Variants in CYP2C18 observed in about 807,000 individuals in gnomAD.
The protein encoded by CYP2C18 is cytochrome P450 family 2 subfamily C member 18.
A neutral mutation model predicts 41.3 loss-of-function variants in CYP2C18; 38 were observed. That is an observed-to-expected ratio of 0.92 (90% CI 0.71 to 1.21). The LOEUF (loss-of-function observed/expected upper bound fraction) is 1.21. Ranked by LOEUF, CYP2C18 falls within the 50% of genes most tolerant of loss-of-function variation. The probability of loss-of-function intolerance (pLI) is 0.00; values close to 1 mark genes in which losing one functional copy is unlikely to be tolerated. For missense variants in CYP2C18, 635 were observed against 591.4 expected (o/e 1.07, Z -0.77); for synonymous variants, 236 against 210.0 (o/e 1.12, Z -1.07).
At position 94,735,311 on chromosome 10, in the gene CYP2C18, T is replaced by G. The variant is rs1847901228; in HGVS notation, c.1340T>G (p.Leu447Ter). 1 of 1,613,620 alleles carries G rather than the reference T, an allele frequency of 6.2e-7. No individual in the cohort carries two copies. The highest frequency in any genetic ancestry group is 8.5e-7 in the Non-Finnish European group (1 of 1,179,762). The part of the protein sequence containing the change: ...GEGLARMELF[L>*]FLTTILQNFN... ...GGCCTGGCCCGCATGGAGCTGTTTTTATTCCTGACCACCATTTTGCAGAAC... is the reference window on the plus strand; with the variant it reads ...GGCCTGGCCCGCATGGAGCTGTTTTGATTCCTGACCACCATTTTGCAGAAC... The change falls in exon 9 of 9, where the codon TTA becomes TGA. Residue 447 changes from leucine (L) to a stop codon, truncating the protein, a stop_gained. Coordinates refer to ENST00000285979, the MANE Select transcript of CYP2C18 (RefSeq NM_000772.3). LOFTEE classifies it low-confidence loss of function (END_TRUNC).
chr10:94,724,599 C>A, intron 7 of CYP2C18, 66 bp downstream of exon 7: 2 of 1,405,752 alleles, frequency 1.4e-6, no homozygotes, highest in Non-Finnish European at 2.0e-6. Flanking sequence ...AGTATAGTCC[C>A]AATCCTCTAA....
intron 1 of CYP2C18, among the ~76,000 whole-genome samples, chr10:94,685,313 C>T (rs562012772): frequency 5.7e-4 from 86 of 151,912 alleles, no homozygotes; most frequent in Non-Finnish European, 1.9e-4. Flanking sequence ...GAATTACAGA[C>T]ATGAGCCATT....
intron 1 of CYP2C18, among the ~76,000 whole-genome samples, chr10:94,686,088 C>T (rs1167251652): frequency 1.3e-5 from 2 of 151,954 alleles, no homozygotes; most frequent in Admixed American, 6.6e-5. Flanking sequence ...TTGTAGTTTT[C>T]AGTATATAGA....
At chr10:94,720,204 G>T (rs1372713407) in intron 5 of CYP2C18, among the ~76,000 whole-genome samples, 192 bp from the exon 6 acceptor site, 1 of 152,088 alleles carries the variant, frequency 6.6e-6, no homozygotes, top group African/African-American at 2.4e-5. Context: ...GGCAAGCAAT[G>T]GATAAGTAGG....
intron 5 of CYP2C18, among the ~76,000 whole-genome samples, chr10:94,709,954 A>G (rs147766429): frequency 6.6e-6 from 1 of 152,170 alleles, no homozygotes; most frequent in African/African-American, 2.4e-5. Context: ...TCATTGATCT[A>G]TATAGCTTTC....
chr10:94,702,501 A>T (rs1281479000), intron 4 of CYP2C18, among the ~76,000 whole-genome samples: 1 of 151,284 alleles, frequency 6.6e-6, no homozygotes, highest in Non-Finnish European at 1.5e-5. Context: ...AATGTCTGTT[A>T]TCCTTTCTTC....
At chr10:94,698,036 A>G (rs1043103989) in intron 4 of CYP2C18, among the ~76,000 whole-genome samples, 12 of 152,164 alleles carry the variant, frequency 7.9e-5, no homozygotes, top group South Asian at 4.1e-4. Flanking sequence ...ATAATGGGAG[A>G]CTTTAACACC....
intron 5 of CYP2C18, among the ~76,000 whole-genome samples, chr10:94,711,190 T>A (rs1331628181): frequency 6.6e-6 from 1 of 152,182 alleles, no homozygotes; most frequent in Non-Finnish European, 1.5e-5. Flanking sequence ...TCTGTCTTCA[T>A]GTCTGTAGTG....
At chr10:94,704,254 G>C (rs1166632956) in intron 4 of CYP2C18, among the ~76,000 whole-genome samples, 2 of 151,722 alleles carry the variant, frequency 1.3e-5, no homozygotes, top group Admixed American at 6.6e-5. Flanking sequence ...GGAAATTTTG[G>C]ATACTCTTAT....
chr10:94,735,446 G>T lies in CYP2C18; in HGVS notation c.*2G>T. On this transcript the variant is annotated 3_prime_UTR_variant, in exon 9 of 9. Coordinates refer to ENST00000285979, the MANE Select transcript of CYP2C18 (RefSeq NM_000772.3). ...CAGCTCTGCTTCATTCCTGTCTGAA[G>T]AAGGGCAGATAGTTTGGCTGCTCCT... is the stretch of plus-strand genomic sequence containing the variant. 6.2e-7 allele frequency: 1 copy of T among 1,613,286 alleles called. No individual in the cohort carries two copies. The highest frequency in any genetic ancestry group is 8.5e-7 in the Non-Finnish European group (1 of 1,179,426).
At chr10:94,735,199 A>G in intron 8 of CYP2C18, 64 bp from the exon 9 acceptor site, 3 of 1,472,114 alleles carry the variant, frequency 2.0e-6, no homozygotes, top group African/African-American at 1.4e-5. Context: ...GTTACTGCAT[A>G]CTCTTTGTGA....
At chr10:94,704,625 C>T (rs573532068) in intron 4 of CYP2C18, among the ~76,000 whole-genome samples, 99 of 152,174 alleles carry the variant, frequency 6.5e-4, no homozygotes, top group African/African-American at 2.2e-3. Context: ...CTTGTCATAG[C>T]CTTCACTTAC....
rs1847351752 is a variant in CYP2C18 at position 94,706,821 on chromosome 10, C to T, written c.680C>T (p.Pro227Leu). 6.2e-7 allele frequency: 1 copy of T among 1,603,542 alleles called. No homozygotes were observed. Among genetic ancestry groups the T allele is most frequent in the African/African-American group, 1.3e-5 (1 of 74,520 alleles). The stretch of plus-strand genomic sequence containing the variant: ...TTCCCTGCTCTCATCGATTATCTCC[C>T]AGGAAGTCATAATAAAATAGCTGAA... ...NNFPALIDYL[P>L]GSHNKIAENF... Residue 227 changes from proline to leucine, a missense_variant, in exon 5 of 9, where the codon CCA becomes CTA. Coordinates refer to ENST00000285979, the MANE Select transcript of CYP2C18 (RefSeq NM_000772.3).
intron 5 of CYP2C18, among the ~76,000 whole-genome samples, chr10:94,717,589 A>G (rs1173778366): frequency 1.3e-5 from 2 of 152,062 alleles, no homozygotes; most frequent in Non-Finnish European, 2.9e-5. Context: ...AGTTTACAGT[A>G]TCTGGTGTTA....
intron 3 of CYP2C18, among the ~76,000 whole-genome samples, chr10:94,692,259 T>A (rs973616482): frequency 6.1e-4 from 92 of 151,306 alleles, no homozygotes; most frequent in African/African-American, 2.0e-3. Flanking sequence ...GGGAGAAAAA[T>A]TTTGCAACCT....
rs777587241 is a variant in CYP2C18, at chr10:94,724,499, G to A, written c.1115G>A (p.Cys372Tyr). The A allele has an allele frequency of 1.6e-5, 26 of 1,613,390 alleles. No homozygotes were observed. Among genetic ancestry groups the A allele is most frequent in the Non-Finnish European group, 1.4e-5 (16 of 1,179,664 alleles). The change falls in exon 7 of 9, where the codon TGT becomes TAT. Residue 372 changes from cysteine to tyrosine, a missense_variant. Coordinates refer to ENST00000285979, the MANE Select transcript of CYP2C18 (RefSeq NM_000772.3). The stretch of plus-strand genomic sequence containing the variant: ...ACCAACCTGCCCCATGCAGTGACCT[G>A]TGATGTTAAATTCAAAAACTACCTC... The part of the protein sequence containing the change: ...LPTNLPHAVT[C>Y]DVKFKNYLIP...
chr10:94,721,988 G>A (rs901416822), intron 6 of CYP2C18, among the ~76,000 whole-genome samples: 3 of 152,062 alleles, frequency 2.0e-5, no homozygotes, highest in Admixed American at 1.3e-4. Context: ...ATGTCTTTTC[G>A]ATAAAATGAT....
chr10:94,733,505 T>TA, intron 8 of CYP2C18, 67 bp downstream of exon 8: 1 of 1,594,804 alleles, frequency 6.3e-7, no homozygotes. Context: ...AGTTGACTCT[T>TA]ACATGATGCC....
chr10:94,715,578 GTTTGTCAGTA>G (rs1324239735), intron 5 of CYP2C18, among the ~76,000 whole-genome samples: 2 of 152,146 alleles, frequency 1.3e-5, no homozygotes, highest in Non-Finnish European at 2.9e-5. Context: ...GCTGGAATCA[GTTTGTCAGTA>G]TTTTATTGAG....
Sources: allele counts gnomAD v4.1 joint callset (sites outside exome capture counted in the v4.1 genomes callset), GRCh38; gene constraint gnomAD v4.1.1; transcripts MANE v1.5; gene names NCBI Gene and HGNC (gene_info 2026-07-23, HGNC 2026-07-21).